PCSK6: variants seen among roughly 807,000 people sequenced by gnomAD.
PCSK6 encodes the protein proprotein convertase subtilisin/kexin type 6, also known as paired basic amino acid cleaving enzyme 4.
A neutral mutation model predicts 123.3 loss-of-function variants in PCSK6; 85 were observed. The ratio of observed to expected loss-of-function variants is 0.69; its 90% confidence interval spans 0.58 to 0.83. PCSK6 has a LOEUF of 0.83. PCSK6 is among the 40% of genes least tolerant of loss of function. The pLI, the probability that PCSK6 is intolerant of heterozygous loss-of-function variation, is 0.00. For synonymous variants in PCSK6, 508 were observed against 516.0 expected (o/e 0.98, Z 0.21); for missense variants, 1,191 against 1,282.3 (o/e 0.93, Z 1.09).
intron 13 of PCSK6, chr15:101,334,160 T>C (rs2141375226): frequency 6.6e-6 from 1 of 152,250 alleles, no homozygotes; most frequent in Middle Eastern, 3.4e-3. Context: ...CCTACGTGTG[T>C]GGTGACAGCG....
At chr15:101,469,920 C>T (rs987605526) in intron 1 of PCSK6, among the ~76,000 whole-genome samples, 7 of 152,298 alleles carry the variant, frequency 4.6e-5, no homozygotes, top group South Asian at 2.1e-4. Flanking sequence ...GCTGGAAGGA[C>T]GTGCTGTTTC....
At position 101,393,520 on chromosome 15, in the gene PCSK6, T is replaced by G. The variant is rs930006341; in HGVS notation, c.997-96A>C. 6.7e-6 allele frequency: 6 copies of G among 894,386 alleles called. No individual in the cohort carries two copies. The African/African-American group carries it at 1.0e-4, about 15-fold the overall frequency. 55.4% of individuals were successfully genotyped at this position (894,386 alleles called of 1,614,324 possible). Reference sequence around the variant, plus strand: ...AGAGTCCCATCTCCCAAATGTTCCTTCAAAGGGATAAGAAGGTTGCATTCA... The same window carrying G: ...AGAGTCCCATCTCCCAAATGTTCCTGCAAAGGGATAAGAAGGTTGCATTCA... On this transcript the variant is annotated intron_variant, in intron 7 of 21. Transcript: ENST00000611716.
intron 19 of PCSK6, 111 bp from the exon 20 acceptor site, chr15:101,313,616 G>A: frequency 6.9e-7 from 1 of 1,456,686 alleles, no homozygotes; most frequent in East Asian, 2.3e-5. Context: ...GAGCCCCCAG[G>A]CCACCACCAC....
chr15:101,381,453 GGA>G (rs1225347538), intron 11 of PCSK6, among the ~76,000 whole-genome samples: 1 of 152,194 alleles, frequency 6.6e-6, no homozygotes, highest in Non-Finnish European at 1.5e-5. Context: ...CCTGCTCACG[GGA>G]GAGAGATGAA....
At chr15:101,327,072 T>C (rs893145164) in intron 15 of PCSK6, among the ~76,000 whole-genome samples, 1 of 152,170 alleles carries the variant, frequency 6.6e-6, no homozygotes, top group African/African-American at 2.4e-5. Context: ...GGGACACAGC[T>C]AGACAGTGCT....
In PCSK6 at chr15:101,322,555, T is replaced by C. The variant is rs539395713; in HGVS notation, c.2430A>G (p.Glu810=). The C allele has an allele frequency of 2.5e-6, 4 of 1,613,784 alleles. No individual in the cohort carries two copies. Among genetic ancestry groups the C allele is most frequent in the Non-Finnish European group, 3.4e-6 (4 of 1,179,756 alleles). Residue 810 remains glutamate, a synonymous_variant, in exon 18 of 22, where the codon GAA becomes GAG. Transcript: ENST00000611716. ...CTTTACAGACAGTACATTTCTCAGG[T>C]TCATCCACGCACTTTTTACAGCTTG... is the stretch of plus-strand genomic sequence containing the variant. The part of the protein sequence containing the change: ...CHPSCKKCVD[E]PEKCTVCKEG...
rs71409330 is a variant in PCSK6 at position 101,387,899 on chromosome 15, T to C, written c.1310+1565A>G. On this transcript the variant is annotated intron_variant, in intron 9 of 21. Transcript: ENST00000611716. ...CATCAACCGTTCCTTCCTTGACCAA[T>C]CCTGTAAGTGTCGAGCGCTCTAGAC... 5.3e-3 allele frequency among the ~76,000 whole-genome samples: 808 copies of C among 152,374 alleles called. 2 individuals carry two copies. The highest frequency in any genetic ancestry group is 8.7e-3 in the Non-Finnish European group (595 of 68,028).
At chr15:101,396,009 C>T (rs542787845) in intron 7 of PCSK6, among the ~76,000 whole-genome samples, 49 of 152,174 alleles carry the variant, frequency 3.2e-4, no homozygotes, top group Middle Eastern at 3.4e-3. Context: ...CTGTAGGCGA[C>T]AAATAGGGCC....
chr15:101,412,146 A>G (rs1455573296), intron 6 of PCSK6, among the ~76,000 whole-genome samples: 2 of 152,222 alleles, frequency 1.3e-5, no homozygotes, highest in Non-Finnish European at 2.9e-5. Flanking sequence ...TACCCCTGAC[A>G]ATAATGAAAT....
intron 13 of PCSK6, among the ~76,000 whole-genome samples, chr15:101,332,688 C>T (rs2040396483): frequency 6.6e-6 from 1 of 152,198 alleles, no homozygotes. Context: ...TAGACAGACA[C>T]CAGGCTCCAT....
At chr15:101,406,913 A>G (rs948337055) in intron 6 of PCSK6, among the ~76,000 whole-genome samples, 2 of 152,224 alleles carry the variant, frequency 1.3e-5, no homozygotes, top group African/African-American at 2.4e-5. Flanking sequence ...TCCTGCATGC[A>G]GCCCTGGATC....
intron 13 of PCSK6, among the ~76,000 whole-genome samples, chr15:101,357,634 C>T (rs979703689): frequency 3.9e-5 from 6 of 152,220 alleles, no homozygotes; most frequent in East Asian, 1.9e-4. Flanking sequence ...TGAGAAGCCT[C>T]GGCCAGCGGC....
rs183198718 is a variant in PCSK6 at position 101,382,352 on chromosome 15, G to A, written c.1415-143C>T. 8.4e-3 allele frequency: 5,284 copies of A among 631,736 alleles called. 66 individuals are homozygous for A. The highest frequency in any genetic ancestry group is 0.03 in the South Asian group (1,554 of 51,618). The allele number at this position is 631,736 out of a possible 1,614,324, so 39.1% of individuals were successfully genotyped here. Reference sequence around the variant, plus strand: ...TCCTGGGGGCCCCAGGCTGCAGGACGGGTCCCCCTGAGGGCTGCTCAAAGG... The same window carrying A: ...TCCTGGGGGCCCCAGGCTGCAGGACAGGTCCCCCTGAGGGCTGCTCAAAGG... On this transcript the variant is annotated intron_variant, in intron 10 of 21. Transcript: ENST00000611716.
At chr15:101,336,098 T>A (rs1453157865) in intron 13 of PCSK6, among the ~76,000 whole-genome samples, 1 of 152,266 alleles carries the variant, frequency 6.6e-6, no homozygotes, top group East Asian at 1.9e-4. Flanking sequence ...AATAGTGCTC[T>A]ATCCTTGGTC....
chr15:101,447,793 C>T (rs1303196788), intron 1 of PCSK6, among the ~76,000 whole-genome samples: 3 of 152,252 alleles, frequency 2.0e-5, no homozygotes, highest in Non-Finnish European at 4.4e-5. Flanking sequence ...GCTGGCTCTG[C>T]TCCCGTGCTC....
chr15:101,484,380 T>C (rs1393544753), intron 1 of PCSK6, among the ~76,000 whole-genome samples: 1 of 152,202 alleles, frequency 6.6e-6, no homozygotes, highest in Non-Finnish European at 1.5e-5. Context: ...GCTTTGTTTT[T>C]GCTTGTTTTT....
chr15:101,427,887 C>T lies in PCSK6; in HGVS notation c.823+5G>A, dbSNP rs371734622. The T allele has an allele frequency of 8.0e-5, 125 of 1,563,942 alleles. No homozygotes were observed. Among genetic ancestry groups the T allele is most frequent in the Non-Finnish European group, 1.0e-4 (116 of 1,153,412 alleles). On this transcript the variant is annotated splice_donor_5th_base_variant and intron_variant, in intron 6 of 21. Transcript: ENST00000611716. ...CGGCTCGCAGGCTGCCACGCCCGGC[C>T]TTACCTCCTATTTTGGCATTGTACG...
intron 19 of PCSK6, among the ~76,000 whole-genome samples, chr15:101,314,969 G>T (rs905913213): frequency 9.2e-5 from 14 of 152,188 alleles, no homozygotes; most frequent in African/African-American, 3.1e-4. Context: ...ACCAGGCGGG[G>T]TGCCACTCTG....
chr15:101,488,989 G>A (rs1479761295), intron 1 of PCSK6, among the ~76,000 whole-genome samples: 1 of 150,228 alleles, frequency 6.7e-6, no homozygotes, highest in Non-Finnish European at 1.5e-5. Flanking sequence ...AGGACCCAGC[G>A]GCGGACGGCG....
Sources: allele counts gnomAD v4.1 joint callset (sites outside exome capture counted in the v4.1 genomes callset), GRCh38; gene constraint gnomAD v4.1.1; transcripts MANE v1.5; gene names NCBI Gene and HGNC (gene_info 2026-07-23, HGNC 2026-07-21).